Variants in DSC3 observed in about 807,000 individuals in gnomAD.
The protein encoded by DSC3 is desmocollin-3.
In DSC3, 97 loss-of-function variants were observed where a neutral mutation model predicts 89.5. That is an observed-to-expected ratio of 1.08 (90% confidence interval 0.92 to 1.28). DSC3 has a LOEUF of 1.28. Ranked by LOEUF, DSC3 falls within the 50% of genes most tolerant of loss-of-function variation. The pLI is 0.00. For missense variants in DSC3, 1,199 were observed against 1,085.3 expected (o/e 1.10, Z -1.47); for synonymous variants, 436 against 384.1 (o/e 1.14, Z -1.58).
intron 6 of DSC3, among the ~76,000 whole-genome samples, chr18:31,023,679 C>T (rs1985498837): frequency 6.6e-6 from 1 of 152,040 alleles, no homozygotes; most frequent in Non-Finnish European, 1.5e-5. Context: ...TGACTGAATC[C>T]TCCTTCTTTT....
At chr18:31,026,873 AGT>A (rs1270541991) in intron 4 of DSC3, among the ~76,000 whole-genome samples, 1 of 152,124 alleles carries the variant, frequency 6.6e-6, no homozygotes, top group African/African-American at 2.4e-5. Flanking sequence ...AAGGTGAGAG[AGT>A]GTCTTCTCCC....
chr18:31,006,319 G>A (rs1224220622), intron 12 of DSC3, among the ~76,000 whole-genome samples: 1 of 105,924 alleles, frequency 9.4e-6, no homozygotes, highest in East Asian at 4.0e-4. Flanking sequence ...ATTATTTTGA[G>A]ACGGAGTCTC....
chr18:30,995,652 A>G (rs1230478916), intron 15 of DSC3, among the ~76,000 whole-genome samples: 1 of 152,186 alleles, frequency 6.6e-6, no homozygotes, highest in African/African-American at 2.4e-5. Flanking sequence ...AGTAGAACAC[A>G]GCCATTAGTT....
At position 31,029,589 on chromosome 18, in the gene DSC3, G is replaced by T. The variant is rs753599724; in HGVS notation, c.394C>A (p.Arg132Ser). The T allele has an allele frequency of 1.9e-6, 3 of 1,613,608 alleles. No homozygotes were observed. In the African/African-American group the frequency reaches 4.0e-5, roughly 22 times the overall value. Residue 132 changes from arginine (R) to serine (S), a missense_variant, in exon 4 of 16, where the codon CGT becomes AGT. By Grantham distance (110) the Arg-to-Ser change is moderately radical (BLOSUM62 -1). Transcript: ENST00000360428. ...TRHTRETVLR[R>S]AKRRWAPIPC... ...ATAGGTGCCCATCTCCTCTTGGCAC[G>T]CCTGAGAACAGTTTCTCTAGTGTGT...
At position 30,995,996 on chromosome 18, in the gene DSC3, A is replaced by AG. The variant is rs1555631967; in HGVS notation, c.2493+794_2493+795insC. On this transcript the variant is annotated intron_variant, in intron 15 of 15. Coordinates refer to ENST00000360428, the MANE Select transcript of DSC3 (RefSeq NM_001941.5). Reference sequence around the variant, plus strand: ...TAAAAAAAAAAAAAAAAAAAAAAAAAAAAGAAAAGAAAGAAAAAAGCTTCT... The same window carrying AG: ...TAAAAAAAAAAAAAAAAAAAAAAAAAGAAAGAAAAGAAAGAAAAAAGCTTCT... Among the ~76,000 whole-genome samples the AG allele has an allele frequency of 3.3e-4, 45 of 136,464 alleles. 1 individual carries two copies. Among genetic ancestry groups the AG allele is most frequent in the South Asian group, 1.4e-3 (6 of 4,244 alleles). 89.5% of individuals were successfully genotyped at this position (136,464 alleles called of 152,430 possible).
chr18:31,016,154 A>C (rs560655158), intron 9 of DSC3, among the ~76,000 whole-genome samples: 2 of 152,308 alleles, frequency 1.3e-5, no homozygotes, highest in South Asian at 2.1e-4. Flanking sequence ...CAGAAAATGC[A>C]TGAATAACCC....
At chr18:31,036,273 G>A (rs1270607347) in intron 1 of DSC3, among the ~76,000 whole-genome samples, 1 of 152,018 alleles carries the variant, frequency 6.6e-6, no homozygotes, top group African/African-American at 2.4e-5. Context: ...CCTAATGGCT[G>A]TTTTAATTTG....
chr18:31,011,167 T>C (rs1462719503), intron 9 of DSC3, among the ~76,000 whole-genome samples: 1 of 152,194 alleles, frequency 6.6e-6, no homozygotes, highest in African/African-American at 2.4e-5. Flanking sequence ...CTGTGTGGCA[T>C]TGGGAAAGTT....
chr18:31,034,333 T>C (rs1401042628), intron 1 of DSC3, among the ~76,000 whole-genome samples: 2 of 152,138 alleles, frequency 1.3e-5, no homozygotes, highest in Non-Finnish European at 2.9e-5. Context: ...TAAACCACAA[T>C]GCAATACCTA....
At chr18:31,017,953 A>T (rs1230657110) in intron 9 of DSC3, 118 bp downstream of exon 9, 3 of 818,016 alleles carry the variant, frequency 3.7e-6, no homozygotes, top group Non-Finnish European at 1.9e-6. Context: ...TGGTTTAAAT[A>T]GATTTTAAAT....
At chr18:31,035,470 C>T (rs1357762956) in intron 1 of DSC3, among the ~76,000 whole-genome samples, 2 of 151,982 alleles carry the variant, frequency 1.3e-5, no homozygotes, top group African/African-American at 4.8e-5. Context: ...ACATATCATA[C>T]ATATGCTTAA....
chr18:31,017,571 A>G (rs1181471320), intron 9 of DSC3, among the ~76,000 whole-genome samples: 1 of 152,208 alleles, frequency 6.6e-6, no homozygotes, highest in Non-Finnish European at 1.5e-5. Flanking sequence ...GATCAGATAC[A>G]ACCAGGCATA....
At position 30,994,147 on chromosome 18, in the gene DSC3, A is replaced by G; in HGVS notation, c.*28T>C. ...TTTTTGGAAACCTCCAGAATGTCTG[A>G]CAAAGACCTAATTGTAGCACTGTGA... is the stretch of plus-strand genomic sequence containing the variant. On this transcript the variant is annotated 3_prime_UTR_variant, in exon 16 of 16. Transcript: ENST00000360428. 1.2e-6 allele frequency: 2 copies of G among 1,606,738 alleles called. No individual in the cohort carries two copies. The highest frequency in any genetic ancestry group is 1.7e-6 in the Non-Finnish European group (2 of 1,173,364).
Position 30,991,335 on chromosome 18 carries a change from T to C in DSC3, c.*2840A>G, listed in dbSNP as rs1017354801. On this transcript the variant is annotated 3_prime_UTR_variant, in exon 16 of 16. Transcript: ENST00000360428. ...GGGAAAAATGAAAGCTTTAAAAATATATTTTCTTGCACACTCAAATACCAT... is the reference window on the plus strand; with the variant it reads ...GGGAAAAATGAAAGCTTTAAAAATACATTTTCTTGCACACTCAAATACCAT... 1 of 152,644 alleles carries C rather than the reference T, an allele frequency of 6.6e-6. No homozygotes were observed. Among genetic ancestry groups the C allele is most frequent in the Admixed American group, 6.5e-5 (1 of 15,276 alleles). 9.5% of individuals were successfully genotyped at this position (152,644 alleles called of 1,614,324 possible).
rs115936342 is a variant in DSC3 at position 31,001,627 on chromosome 18, G to A, written c.2226C>T (p.Asp742=). Residue 742 remains aspartate, a synonymous_variant, in exon 14 of 16, where the codon GAC becomes GAT. Coordinates refer to ENST00000360428, the MANE Select transcript of DSC3 (RefSeq NM_001941.5). The stretch of plus-strand genomic sequence containing the variant: ...TTTAAAAATTACTTACCACTCTATC[G>A]TCTCCAGGTGCTTCTGTGTTTGATA... ...LIISNTEAPG[D]DRVCSANGFM... The A allele has an allele frequency of 6.9e-4, 1,106 of 1,609,238 alleles. 5 individuals carry two copies. The highest frequency in any genetic ancestry group is 6.3e-4 in the East Asian group (28 of 44,694).
chr18:31,022,460 G>T lies in DSC3; in HGVS notation c.818C>A (p.Pro273Gln). 6.2e-7 allele frequency: 1 copy of T among 1,613,924 alleles called. No homozygotes were observed. The highest frequency in any genetic ancestry group is 8.5e-7 in the Non-Finnish European group (1 of 1,179,944). Residue 273 changes from proline (P) to glutamine (Q), a missense_variant, in exon 7 of 16, where the codon CCG (proline) becomes CAG (glutamine). Transcript: ENST00000360428. ...TTTCAGGCGCGTATGCATTGTGTCC[G>T]GTTCATCTCTGTCTGTGGCACAAAC... is the stretch of plus-strand genomic sequence containing the variant. ...GVVCATDRDE[P>Q]DTMHTRLKYS...
At chr18:31,027,619 T>C (rs1482181532) in intron 4 of DSC3, among the ~76,000 whole-genome samples, 3 of 152,128 alleles carry the variant, frequency 2.0e-5, no homozygotes, top group Admixed American at 6.6e-5. Context: ...GAGACTGTTC[T>C]GAAGTTTCAT....
At chr18:31,026,417 T>C (rs993828554) in intron 4 of DSC3, among the ~76,000 whole-genome samples, 2 of 152,116 alleles carry the variant, frequency 1.3e-5, no homozygotes, top group African/African-American at 4.8e-5. Context: ...ATCTGATTTA[T>C]ATCCTTAAAG....
chr18:31,027,508 CT>C (rs1985640146), intron 4 of DSC3, among the ~76,000 whole-genome samples: 1 of 137,158 alleles, frequency 7.3e-6, no homozygotes, highest in African/African-American at 2.6e-5. Flanking sequence ...TCTTTCCTTC[CT>C]TTTCTGCAAT....
Sources: allele counts gnomAD v4.1 joint callset (sites outside exome capture counted in the v4.1 genomes callset), GRCh38; gene constraint gnomAD v4.1.1; transcripts MANE v1.5; gene names NCBI Gene and HGNC (gene_info 2026-07-23, HGNC 2026-07-21).